KCNJ3: variants seen among roughly 807,000 people sequenced by gnomAD.
KCNJ3 encodes the protein potassium inwardly rectifying channel subfamily J member 3, also known as G protein-activated inward rectifier potassium channel 1.
In KCNJ3, 4 loss-of-function variants were observed where a neutral mutation model predicts 39.2. That is an observed-to-expected ratio of 0.10 (90% CI 0.05 to 0.23). The LOEUF is 0.23. KCNJ3 is among the 10% of genes least tolerant of loss of function. The pLI is 1.00. For synonymous variants in KCNJ3, 230 were observed against 237.4 expected (o/e 0.97, Z 0.29); for missense variants, 276 against 634.9 (o/e 0.43, Z 6.08).
chr2:154,722,445 A>G (rs1365979472), intron 2 of KCNJ3, among the ~76,000 whole-genome samples: 1 of 152,192 alleles, frequency 6.6e-6, no homozygotes, highest in East Asian at 1.9e-4. Flanking sequence ...TATTATCAAA[A>G]GAGTGAAGAA....
chr2:154,854,189 T>C (rs1687801985), intron 2 of KCNJ3, among the ~76,000 whole-genome samples: 1 of 152,212 alleles, frequency 6.6e-6, no homozygotes, highest in Admixed American at 6.5e-5. Flanking sequence ...AGATATTATA[T>C]GACAAATTTT....
intron 2 of KCNJ3, among the ~76,000 whole-genome samples, chr2:154,801,906 C>T (rs1009833975): frequency 1.3e-5 from 2 of 152,244 alleles, no homozygotes; most frequent in Middle Eastern, 3.4e-3. Context: ...GGATTACAGG[C>T]GTGAGCCACT....
In KCNJ3 at chr2:154,726,792, TACATACACACAC is replaced by T. The variant is rs1414870149; in HGVS notation, c.919+16977_919+16988del. Among the ~76,000 whole-genome samples the T allele has an allele frequency of 3.0e-5, 3 of 101,316 alleles. No homozygotes were observed. In the Admixed American group the frequency reaches 3.5e-4, roughly 12 times the overall value. 66.5% of individuals were successfully genotyped at this position (101,316 alleles called of 152,430 possible). On this transcript the variant is annotated intron_variant, in intron 2 of 2. Coordinates refer to ENST00000295101, the MANE Select transcript of KCNJ3 (RefSeq NM_002239.4). ...CACACACACACACATACATTTTATA[TACATACACACAC>T]ACACACACACACACACACACACACA... is the stretch of plus-strand genomic sequence containing the variant.
At chr2:154,735,349 C>T (rs1291701580) in intron 2 of KCNJ3, among the ~76,000 whole-genome samples, 1 of 151,166 alleles carries the variant, frequency 6.6e-6, no homozygotes, top group Admixed American at 6.6e-5. Context: ...TTCCTGACCT[C>T]GTGATCCGTC....
At chr2:154,812,050 T>C (rs374403963) in intron 2 of KCNJ3, among the ~76,000 whole-genome samples, 7 of 152,280 alleles carry the variant, frequency 4.6e-5, no homozygotes, top group African/African-American at 1.7e-4. Context: ...AATGATCTCA[T>C]TTACCAGAAG....
chr2:154,736,845 A>AACTT (rs1685556147), intron 2 of KCNJ3, among the ~76,000 whole-genome samples: 1 of 146,236 alleles, frequency 6.8e-6, no homozygotes, highest in African/African-American at 2.5e-5. Context: ...TAAGACCTAA[A>AACTT]ACTGCCCCGG....
At chr2:154,804,194 T>C (rs115646972) in intron 2 of KCNJ3, among the ~76,000 whole-genome samples, 9 of 152,166 alleles carry the variant, frequency 5.9e-5, no homozygotes, top group Admixed American at 5.9e-4. Flanking sequence ...ATATAATACA[T>C]GTAAAATGGC....
chr2:154,729,115 A>G (rs953846416), intron 2 of KCNJ3, among the ~76,000 whole-genome samples: 5 of 152,166 alleles, frequency 3.3e-5, no homozygotes, highest in African/African-American at 7.2e-5. Flanking sequence ...TCAAGAATGG[A>G]AATTGTTTGA....
rs190702347 is a variant in KCNJ3, at chr2:154,732,265, C to T, written c.919+22446C>T. 6.6e-5 allele frequency among the ~76,000 whole-genome samples: 10 copies of T among 152,136 alleles called. No homozygotes were observed. In the East Asian group the frequency reaches 1.9e-3, roughly 29 times the overall value. ...TTTTATTTCTAAATGTCTTATTTAT[C>T]CCAGGACAATTTGATTGCTATGGGA... On this transcript the variant is annotated intron_variant, in intron 2 of 2. Transcript: ENST00000295101.
chr2:154,735,068 C>CGTGTGTGTGTGTGTGTGT (rs1171630763), intron 2 of KCNJ3, among the ~76,000 whole-genome samples: 1 of 103,722 alleles, frequency 9.6e-6, no homozygotes. Flanking sequence ...CCCTTGTAGG[C>CGTGTGTGTGTGTGTGTGT]CTGTGTGTGT....
At chr2:154,834,702 G>T (rs1455453724) in intron 2 of KCNJ3, among the ~76,000 whole-genome samples, 2 of 149,304 alleles carry the variant, frequency 1.3e-5, no homozygotes, top group African/African-American at 4.9e-5. Context: ...ACTCCCGCCT[G>T]GGTGACAGAG....
chr2:154,823,278 A>C (rs895166668), intron 2 of KCNJ3, among the ~76,000 whole-genome samples: 1 of 152,194 alleles, frequency 6.6e-6, no homozygotes, highest in Admixed American at 6.5e-5. Flanking sequence ...ATGATAAAAT[A>C]AAGAATAGTT....
chr2:154,774,391 AG>A (rs67165519), intron 2 of KCNJ3, among the ~76,000 whole-genome samples: 64,037 of 151,474 alleles, frequency 0.42, 13,711 homozygotes, highest in African/African-American at 0.47. Context: ...CATTGCTTCA[AG>A]TGTTTTAATG....
intron 2 of KCNJ3, among the ~76,000 whole-genome samples, chr2:154,824,067 G>T (rs1472256611): frequency 6.6e-6 from 1 of 152,140 alleles, no homozygotes; most frequent in African/African-American, 2.4e-5. Flanking sequence ...ATGTAGTGTG[G>T]CTCACACCTG....
At chr2:154,790,364 A>G (rs1479482511) in intron 2 of KCNJ3, among the ~76,000 whole-genome samples, 1 of 151,910 alleles carries the variant, frequency 6.6e-6, no homozygotes, top group Non-Finnish European at 1.5e-5. Flanking sequence ...CCTCTCTGAC[A>G]CTCTGTTGTT....
At chr2:154,791,919 TA>T (rs572165313) in intron 2 of KCNJ3, among the ~76,000 whole-genome samples, 352 of 152,206 alleles carry the variant, frequency 2.3e-3, no homozygotes, top group South Asian at 3.5e-3. Flanking sequence ...GAGATTGCAT[TA>T]GTCAGCAAAG....
intron 1 of KCNJ3, among the ~76,000 whole-genome samples, chr2:154,705,618 A>G (rs1391784349): frequency 6.6e-6 from 1 of 152,188 alleles, no homozygotes; most frequent in Non-Finnish European, 1.5e-5. Context: ...TTCTACACAT[A>G]GAGCATTTAC....
At chr2:154,753,219 C>G (rs981555217) in intron 2 of KCNJ3, among the ~76,000 whole-genome samples, 7 of 152,006 alleles carry the variant, frequency 4.6e-5, no homozygotes, top group Non-Finnish European at 1.0e-4. Flanking sequence ...ATGACACTCC[C>G]CTGTTACTTT....
At chr2:154,703,013 C>T (rs1684932856) in intron 1 of KCNJ3, among the ~76,000 whole-genome samples, 1 of 151,884 alleles carries the variant, frequency 6.6e-6, no homozygotes. Flanking sequence ...TAATGTTGAA[C>T]CCTATAGTTT....
Sources: gnomAD v4.1 joint callset for allele counts (sites outside exome capture counted in the v4.1 genomes callset) on GRCh38, gnomAD v4.1.1 for gene constraint, MANE v1.5 for transcripts, NCBI Gene and HGNC (gene_info 2026-07-23, HGNC 2026-07-21) for gene names.